The following JAM2 variants were observed in gnomAD, a reference collection of about 807,000 sequenced individuals.
JAM2 encodes junctional adhesion molecule B.
In JAM2, 17 loss-of-function variants were observed where a neutral mutation model predicts 42.0. The observed-to-expected ratio is 0.40, with a 90% CI of 0.28 to 0.61. JAM2 has a LOEUF of 0.61. JAM2 is among the 20% of genes least tolerant of loss of function. JAM2 has a pLI of 0.37. For missense variants in JAM2, 319 were observed against 358.3 expected, an observed-to-expected ratio of 0.89 and a Z score of 0.89; for synonymous variants, 118 against 128.6, an observed-to-expected ratio of 0.92 and a Z score of 0.56.
intron 2 of JAM2, among the ~76,000 whole-genome samples, chr21:25,686,116 T>C (rs2033746613): frequency 6.6e-6 from 1 of 152,226 alleles, no homozygotes; most frequent in African/African-American, 2.4e-5. Context: ...AGTTCCAAAA[T>C]GTTTTCATCA....
intron 1 of JAM2, among the ~76,000 whole-genome samples, chr21:25,650,954 G>GA (rs1216435387): frequency 1.3e-5 from 2 of 148,440 alleles, no homozygotes; most frequent in Non-Finnish European, 3.0e-5. Flanking sequence ...CCATTTGAGG[G>GA]AAAAATGGAT....
At position 25,717,006 on chromosome 21, in the gene JAM2, A is replaced by G. The variant is rs2123428340; in HGVS notation, c.*2334A>G. ...GGAAAATATGTAGTGCCTTAGCTTC[A>G]CTAATAGTTGTAAAACTTCTTTTTA... On this transcript the variant is annotated 3_prime_UTR_variant, in exon 10 of 10. Transcript: ENST00000480456. 2 of 152,376 alleles carry G rather than the reference A, an allele frequency of 1.3e-5. No individual in the cohort carries two copies. The highest frequency in any genetic ancestry group is 4.1e-4 in the South Asian group (2 of 4,828). 9.4% of individuals were successfully genotyped at this position (152,376 alleles called of 1,614,324 possible).
chr21:25,653,137 C>T (rs1006020024), intron 1 of JAM2, among the ~76,000 whole-genome samples: 1 of 152,160 alleles, frequency 6.6e-6, no homozygotes, highest in African/African-American at 2.4e-5. Context: ...CGTGGCCAAA[C>T]GTGGAACTGG....
chr21:25,679,390 T>C (rs2033575443), intron 1 of JAM2, among the ~76,000 whole-genome samples: 1 of 152,242 alleles, frequency 6.6e-6, no homozygotes, highest in Non-Finnish European at 1.5e-5. Context: ...CTGTTCCTGG[T>C]TGTTCAAACT....
chr21:25,659,261 T>A (rs922706992), intron 1 of JAM2, among the ~76,000 whole-genome samples: 2 of 152,126 alleles, frequency 1.3e-5, no homozygotes, highest in Non-Finnish European at 2.9e-5. Context: ...AGCCTTTTTT[T>A]TTTTTTGCTG....
intron 2 of JAM2, among the ~76,000 whole-genome samples, chr21:25,684,407 G>C (rs1601031971): frequency 6.6e-6 from 1 of 152,244 alleles, no homozygotes; most frequent in African/African-American, 2.4e-5. Context: ...TAAAGTTTCT[G>C]TTTTGCAAGA....
Position 25,714,894 on chromosome 21 carries a change from G to A in JAM2, c.*222G>A, listed in dbSNP as rs2034451580. 2 of 408,874 alleles carry A rather than the reference G, an allele frequency of 4.9e-6. No homozygotes were observed. The highest frequency in any genetic ancestry group is 4.0e-5 in the East Asian group (1 of 24,740). The allele number at this position is 408,874 out of a possible 1,614,324, so 25.3% of individuals were successfully genotyped here. A position where few individuals can be genotyped will look rare whatever the true frequency, so the allele number is the denominator to read the frequency against. On this transcript the variant is annotated 3_prime_UTR_variant, in exon 10 of 10. Coordinates refer to ENST00000480456, the MANE Select transcript of JAM2 (RefSeq NM_021219.4). ...ATCTGGCTTCTTGTGTCTGGACTAA[G>A]TTAAAAGAATTAAAATACTTTGTAA...
chr21:25,662,420 G>C (rs541819311), intron 1 of JAM2, among the ~76,000 whole-genome samples: 1 of 57,552 alleles, frequency 1.7e-5, no homozygotes, highest in African/African-American at 7.5e-5. Flanking sequence ...AGAGTGCTAG[G>C]ATTACAGGCG....
intron 1 of JAM2, among the ~76,000 whole-genome samples, chr21:25,657,328 T>A (rs913043391): frequency 3.9e-5 from 6 of 152,244 alleles, no homozygotes; most frequent in Non-Finnish European, 7.3e-5. Context: ...TTTCATCTTT[T>A]ACCTAAAAGA....
chr21:25,713,897 C>G (rs891936465), intron 9 of JAM2, among the ~76,000 whole-genome samples: 3 of 152,226 alleles, frequency 2.0e-5, no homozygotes, highest in African/African-American at 7.2e-5. Context: ...TCTTTGCCTT[C>G]CTCTCAGTTG....
rs185652165 is a variant in JAM2 at position 25,681,241 on chromosome 21, A to T, written c.68-2642A>T. On this transcript the variant is annotated intron_variant, in intron 1 of 9. Transcript: ENST00000480456. ...GTTTTGCCTAAATTGTCTACTTGAG[A>T]TGACCAATGTATTTGTTCTCACTCT... 2.5e-3 allele frequency among the ~76,000 whole-genome samples: 378 copies of T among 152,350 alleles called. 4 individuals carry two copies. The highest frequency in any genetic ancestry group is 4.6e-4 in the Non-Finnish European group (31 of 68,038).
rs1253916514 is a variant in JAM2 at position 25,702,212 on chromosome 21, T to C, written c.640T>C (p.Cys214Arg). Reference protein sequence around the residue: ...VSKLDTGEYSCEARNSVGYRR... With the variant: ...VSKLDTGEYSREARNSVGYRR... ...CAAACTGGACACTGGAGAATATTCC[T>C]GTGAAGCCCGCAATTCTGTTGGATA... The change falls in exon 6 of 10, where the codon TGT becomes CGT. Residue 214 changes from cysteine to arginine, a missense_variant. By Grantham distance (180) the Cys-to-Arg change is radical. Coordinates refer to ENST00000480456, the MANE Select transcript of JAM2 (RefSeq NM_021219.4). The C allele has an allele frequency of 1.3e-6, 2 of 1,599,146 alleles. No individual in the cohort carries two copies. The highest frequency in any genetic ancestry group is 1.7e-6 in the Non-Finnish European group (2 of 1,168,576).
intron 6 of JAM2, among the ~76,000 whole-genome samples, chr21:25,703,748 T>G (rs1452326645): frequency 1.5e-5 from 2 of 137,236 alleles, no homozygotes; most frequent in Non-Finnish European, 1.5e-5. Flanking sequence ...GGTACCTTCC[T>G]TTTATAAAGA....
chr21:25,654,262 A>G (rs1872830495), intron 1 of JAM2, among the ~76,000 whole-genome samples: 1 of 152,218 alleles, frequency 6.6e-6, no homozygotes, highest in Admixed American at 6.5e-5. Flanking sequence ...ATTAATGGCT[A>G]AAATCATTAG....
Position 25,715,829 on chromosome 21 carries a change from T to C in JAM2, c.*1157T>C, listed in dbSNP as rs1182764678. 6.6e-6 allele frequency: 1 copy of C among 152,256 alleles called. No individual in the cohort carries two copies. Among genetic ancestry groups the C allele is most frequent in the African/African-American group, 2.4e-5 (1 of 41,470 alleles). 9.4% of individuals were successfully genotyped at this position (152,256 alleles called of 1,614,324 possible). A position where few individuals can be genotyped will look rare whatever the true frequency, so the allele number is the denominator to read the frequency against. On this transcript the variant is annotated 3_prime_UTR_variant, in exon 10 of 10. Coordinates refer to ENST00000480456, the MANE Select transcript of JAM2 (RefSeq NM_021219.4). The stretch of plus-strand genomic sequence containing the variant: ...TCCGTTTACCAGAGCAATTAGACTA[T>C]GTTAAAAATTCATATCATTTGTAAC...
At chr21:25,697,026 GT>G in intron 4 of JAM2, among the ~76,000 whole-genome samples, 1 of 48,464 alleles carries the variant, frequency 2.1e-5, no homozygotes, top group African/African-American at 8.4e-5. Context: ...TTTTTTTTTT[GT>G]AGAGACATGA....
chr21:25,669,276 G>A (rs2033297382), intron 1 of JAM2, among the ~76,000 whole-genome samples: 1 of 151,930 alleles, frequency 6.6e-6, no homozygotes, highest in African/African-American at 2.4e-5. Context: ...GAAGGCTGAG[G>A]TGGGGGATCA....
intron 1 of JAM2, among the ~76,000 whole-genome samples, chr21:25,672,243 T>A (rs1024214916): frequency 1.3e-5 from 2 of 152,010 alleles, no homozygotes; most frequent in Admixed American, 1.3e-4. Flanking sequence ...TGCCACCACA[T>A]CCAGGTGGTT....
At chr21:25,690,310 C>CTTCT (rs2033850861) in intron 3 of JAM2, among the ~76,000 whole-genome samples, 1 of 148,336 alleles carries the variant, frequency 6.7e-6, no homozygotes, top group Admixed American at 6.8e-5. Context: ...CTTTCTCTTC[C>CTTCT]TTCCTTCCTT....
Sources: allele counts gnomAD v4.1 joint callset (sites outside exome capture counted in the v4.1 genomes callset), GRCh38; gene constraint gnomAD v4.1.1; transcripts MANE v1.5; gene names NCBI Gene and HGNC (gene_info 2026-07-23, HGNC 2026-07-21).